The following OPCML variants were observed in gnomAD, a reference collection of about 807,000 sequenced individuals.
OPCML encodes the protein opioid binding protein/cell adhesion molecule like.
In OPCML, 13 loss-of-function variants were observed where a neutral mutation model predicts 37.8. The ratio of observed to expected loss-of-function variants is 0.34; its 90% CI spans 0.22 to 0.55. The LOEUF is 0.55. Ranked by LOEUF, OPCML falls within the 20% of genes least tolerant of loss-of-function variation. OPCML has a pLI of 0.91. For missense variants in OPCML, 341 were observed against 435.6 expected (o/e 0.78, Z 1.93); for synonymous variants, 176 against 168.8 (o/e 1.04, Z -0.33).
chr11:132,893,438 C>T (rs998471642), intron 2 of OPCML, among the ~76,000 whole-genome samples: 3 of 152,198 alleles, frequency 2.0e-5, no homozygotes, highest in Admixed American at 6.5e-5. Flanking sequence ...ATCACCTGTG[C>T]TTTTGTTTGG....
chr11:133,024,048 G>A (rs573048201), intron 1 of OPCML, among the ~76,000 whole-genome samples: 23 of 152,290 alleles, frequency 1.5e-4, no homozygotes, highest in African/African-American at 2.9e-4. Flanking sequence ...GTTTTATTAC[G>A]TATTTCACAG....
intron 1 of OPCML, among the ~76,000 whole-genome samples, chr11:133,171,740 TGC>T (rs1417107346): frequency 6.6e-6 from 1 of 152,206 alleles, no homozygotes; most frequent in East Asian, 1.9e-4. Context: ...ACATTTAAAG[TGC>T]TCTTTAACAC....
intron 1 of OPCML, among the ~76,000 whole-genome samples, chr11:133,151,476 C>T (rs1386825423): frequency 1.3e-5 from 2 of 151,678 alleles, no homozygotes; most frequent in Non-Finnish European, 2.9e-5. Flanking sequence ...AAAAGAAGCA[C>T]ACTTTTAAAA....
At chr11:133,078,617 C>A (rs1422905350) in intron 1 of OPCML, among the ~76,000 whole-genome samples, 2 of 152,156 alleles carry the variant, frequency 1.3e-5, no homozygotes, top group Non-Finnish European at 2.9e-5. Flanking sequence ...AGGCCCTTGA[C>A]CCTCATCCCT....
chr11:132,546,665 T>C (rs981451404), intron 3 of OPCML, among the ~76,000 whole-genome samples: 2 of 152,234 alleles, frequency 1.3e-5, no homozygotes, highest in Non-Finnish European at 2.9e-5. Context: ...CCCAGCTGTG[T>C]GACCTTGGAG....
intron 2 of OPCML, among the ~76,000 whole-genome samples, chr11:132,697,998 A>G (rs1943661749): frequency 6.9e-6 from 1 of 145,798 alleles, no homozygotes; most frequent in African/African-American, 2.5e-5. Context: ...TTATTTATTT[A>G]TTTATTTATT....
intron 1 of OPCML, among the ~76,000 whole-genome samples, chr11:133,507,423 G>A (rs1237728048): frequency 6.6e-6 from 1 of 152,204 alleles, no homozygotes; most frequent in Non-Finnish European, 1.5e-5. Context: ...ATCTACTGCA[G>A]TCTTCTTTTG....
At chr11:132,849,389 TG>T (rs1941695720) in intron 2 of OPCML, among the ~76,000 whole-genome samples, 1 of 152,198 alleles carries the variant, frequency 6.6e-6, no homozygotes, top group Non-Finnish European at 1.5e-5. Context: ...CCAGGCATTT[TG>T]GTAGGCACTG....
rs7933928 is a variant in OPCML at position 133,374,978 on chromosome 11, G to A, written c.61+157286C>T. Among the ~76,000 whole-genome samples the A allele has an allele frequency of 6.3e-3, 954 of 152,254 alleles. 8 individuals carry two copies. The highest frequency in any genetic ancestry group is 0.021 in the African/African-American group (869 of 41,536). On this transcript the variant is annotated intron_variant, in intron 1 of 7. Coordinates refer to ENST00000524381, the MANE Select transcript of OPCML (RefSeq NM_001012393.5). ...GGTATACTAATTATAATCTGACTAA[G>A]GAGTTAGTATGAAAGTGAATGATTT...
intron 1 of OPCML, among the ~76,000 whole-genome samples, chr11:133,463,177 CA>C (rs531526248): frequency 0.029 from 2,722 of 92,954 alleles, 29 homozygotes; most frequent in African/African-American, 0.053. Flanking sequence ...GTTAAAAAAA[CA>C]AAAAAAAAAA....
intron 2 of OPCML, among the ~76,000 whole-genome samples, chr11:132,700,108 T>C (rs967195621): frequency 4.6e-5 from 7 of 152,090 alleles, no homozygotes; most frequent in Non-Finnish European, 7.4e-5. Context: ...TAATTGTTCA[T>C]AGTAGTCTCT....
chr11:133,218,079 T>C (rs556267624), intron 1 of OPCML, among the ~76,000 whole-genome samples: 1 of 150,516 alleles, frequency 6.6e-6, no homozygotes, highest in Admixed American at 6.6e-5. Flanking sequence ...AAAAAAGAAG[T>C]CTTGCTGAAC....
chr11:133,264,514 C>A (rs1941593922), intron 1 of OPCML, among the ~76,000 whole-genome samples: 1 of 152,224 alleles, frequency 6.6e-6, no homozygotes, highest in Admixed American at 6.5e-5. Flanking sequence ...GTATGGAGGG[C>A]CCTTCTCTAG....
At chr11:132,604,171 C>T (rs1938118370) in intron 3 of OPCML, among the ~76,000 whole-genome samples, 1 of 152,118 alleles carries the variant, frequency 6.6e-6, no homozygotes, top group African/African-American at 2.4e-5. Context: ...CTGTTGGGCT[C>T]CATGCGTCTG....
chr11:133,189,131 G>T (rs1364006476), intron 1 of OPCML, among the ~76,000 whole-genome samples: 1 of 152,000 alleles, frequency 6.6e-6, no homozygotes, highest in Non-Finnish European at 1.5e-5. Context: ...CATCCTTACT[G>T]CCTTCTTTCC....
At chr11:132,780,913 T>C (rs1387929678) in intron 2 of OPCML, among the ~76,000 whole-genome samples, 1 of 152,248 alleles carries the variant, frequency 6.6e-6, no homozygotes, top group East Asian at 1.9e-4. Flanking sequence ...GGAAGTAGTA[T>C]ATGCAATACA....
At chr11:132,620,165 T>C (rs1441122135) in intron 3 of OPCML, among the ~76,000 whole-genome samples, 1 of 152,192 alleles carries the variant, frequency 6.6e-6, no homozygotes, top group Non-Finnish European at 1.5e-5. Context: ...AAAGAGTAAC[T>C]ATGACATTTC....
chr11:132,939,095 C>T (rs1309535626), intron 2 of OPCML, among the ~76,000 whole-genome samples: 1 of 152,018 alleles, frequency 6.6e-6, no homozygotes, highest in East Asian at 1.9e-4. Flanking sequence ...TTGCATTTAC[C>T]CAGTTCTTAT....
chr11:133,526,920 G>A (rs1013615340), intron 1 of OPCML, among the ~76,000 whole-genome samples: 6 of 152,206 alleles, frequency 3.9e-5, no homozygotes, highest in African/African-American at 1.2e-4. Flanking sequence ...AGTGCCAGTC[G>A]GTATCAGAGG....
Sources: allele counts gnomAD v4.1 joint callset (sites outside exome capture counted in the v4.1 genomes callset), GRCh38; gene constraint gnomAD v4.1.1; transcripts MANE v1.5; gene names NCBI Gene and HGNC (gene_info 2026-07-23, HGNC 2026-07-21).